The following UACA variants were observed in gnomAD, a reference collection of about 807,000 sequenced individuals.
The protein encoded by UACA is uveal autoantigen with coiled-coil domains and ankyrin repeats, also known as nuclear membrane binding protein.
In UACA, 112 loss-of-function variants were observed where a neutral mutation model predicts 160.5. The observed-to-expected ratio is 0.70, with a 90% CI of 0.60 to 0.82. The LOEUF is 0.82. UACA is among the 40% of genes least tolerant of loss of function. UACA has a pLI of 0.00. For synonymous variants in UACA, 557 were observed against 568.4 expected (o/e 0.98, Z 0.29); for missense variants, 1,574 against 1,614.6 (o/e 0.97, Z 0.43).
chr15:70,744,432 G>A (rs758877313), intron 1 of UACA, among the ~76,000 whole-genome samples: 4 of 151,944 alleles, frequency 2.6e-5, no homozygotes, highest in African/African-American at 4.8e-5. Flanking sequence ...ACATATACCC[G>A]ATGCCTCATA....
At chr15:70,762,991 G>A (rs1301987529) in intron 1 of UACA, among the ~76,000 whole-genome samples, 2 of 152,174 alleles carry the variant, frequency 1.3e-5, no homozygotes, top group African/African-American at 2.4e-5. Flanking sequence ...AGCGACGAGG[G>A]GGGGTCAACG....
At chr15:70,773,740 A>T in the UACA span, among the ~76,000 whole-genome samples, 1 of 152,210 alleles carries the variant, frequency 6.6e-6, no homozygotes, top group South Asian at 2.1e-4. Context: ...ATGAAGAAAC[A>T]CCACTTTTGG....
chr15:70,688,204 A>G (rs1285194852), intron 5 of UACA, among the ~76,000 whole-genome samples: 2 of 152,166 alleles, frequency 1.3e-5, no homozygotes, highest in East Asian at 3.8e-4. Context: ...TCCATTTTTT[A>G]TAGAATAGTC....
upstream of UACA, among the ~76,000 whole-genome samples, chr15:70,766,633 A>C (rs1050890877): frequency 2.6e-5 from 4 of 152,180 alleles, 1 homozygote; most frequent in Non-Finnish European, 5.9e-5. Context: ...ATTAGATAAC[A>C]AATGTGTAAG....
At chr15:70,750,821 G>A (rs1336762064) in intron 1 of UACA, among the ~76,000 whole-genome samples, 1 of 152,174 alleles carries the variant, frequency 6.6e-6, no homozygotes, top group Non-Finnish European at 1.5e-5. Flanking sequence ...GACAGAGCAA[G>A]GTCCGGTCTC....
At chr15:70,702,432 T>C in intron 1 of UACA, 3 of 469,456 alleles carry the variant, frequency 6.4e-6, no homozygotes, top group Non-Finnish European at 8.4e-6. Context: ...TAAGAATATA[T>C]TGTAAATGCA....
chr15:70,698,563 T>C (rs1239857488), intron 2 of UACA, among the ~76,000 whole-genome samples: 1 of 152,216 alleles, frequency 6.6e-6, no homozygotes, highest in African/African-American at 2.4e-5. Context: ...ACTTAATTTA[T>C]AGTCCTGCTG....
chr15:70,777,561 A>G, the UACA span, among the ~76,000 whole-genome samples: 2 of 152,224 alleles, frequency 1.3e-5, no homozygotes, highest in Non-Finnish European at 2.9e-5. Context: ...ACCAAAGGGT[A>G]TGGAGCCCTG....
intron 1 of UACA, among the ~76,000 whole-genome samples, chr15:70,712,064 A>ATATCTATCTATC (rs1555414147): frequency 3.4e-5 from 5 of 145,464 alleles, no homozygotes; most frequent in African/African-American, 1.4e-4. Flanking sequence ...ATATATATAT[A>ATATCTATCTATC]TATCTCCATA....
rs4777306 is a variant in UACA, at chr15:70,763,521, T to A, written c.-114A>T. 9 of 1,245,186 alleles carry A rather than the reference T, an allele frequency of 7.2e-6. No individual in the cohort carries two copies. The highest frequency in any genetic ancestry group is 9.1e-6 in the Non-Finnish European group (9 of 989,870). The allele number at this position is 1,245,186 out of a possible 1,614,324, so 77.1% of individuals were successfully genotyped here. A position where few individuals can be genotyped will look rare whatever the true frequency, so the allele number is the denominator to read the frequency against. ...CGGCGCGGGCTGTACCAGCCCCACC[T>A]GCCTGCCACCTGCGGGCCCCGGGCA... On this transcript the variant is annotated 5_prime_UTR_variant, in exon 1 of 19. Transcript: ENST00000322954.
At chr15:70,665,679 A>G (rs1010789219) in intron 16 of UACA, among the ~76,000 whole-genome samples, 1 of 152,222 alleles carries the variant, frequency 6.6e-6, no homozygotes, top group Non-Finnish European at 1.5e-5. Context: ...AGTAGATATT[A>G]ATAATTAACT....
At chr15:70,724,967 T>C (rs1899101751) in intron 1 of UACA, among the ~76,000 whole-genome samples, 1 of 151,982 alleles carries the variant, frequency 6.6e-6, no homozygotes, top group Non-Finnish European at 1.5e-5. Flanking sequence ...GGCAAGCACC[T>C]TGTAGTCCTA....
intron 9 of UACA, among the ~76,000 whole-genome samples, chr15:70,680,596 ACTGTTCTT>A (rs1188017107): frequency 5.3e-5 from 8 of 152,176 alleles, no homozygotes; most frequent in Non-Finnish European, 1.5e-5. Flanking sequence ...CTACCAAAGG[ACTGTTCTT>A]CAAGTGGAAT....
Position 70,669,442 on chromosome 15 carries a change from T to C in UACA, c.1242A>G (p.Pro414=). 1 of 1,585,518 alleles carries C rather than the reference T, an allele frequency of 6.3e-7. No individual in the cohort carries two copies. Among genetic ancestry groups the C allele is most frequent in the Non-Finnish European group, 8.5e-7 (1 of 1,170,026 alleles). Residue 414 remains proline, a synonymous_variant, in exon 16 of 19, where the codon CCA becomes CCG. Coordinates refer to ENST00000322954, the MANE Select transcript of UACA (RefSeq NM_018003.4). The part of the protein sequence containing the change: ...ADSQCTSPGI[P]AHMQSRSMLR... Reference sequence around the variant, plus strand: ...ACATAGATCTGCTTTGCATATGGGCTGGTATACCTGGGGAAGTACACTGAA... The same window carrying C: ...ACATAGATCTGCTTTGCATATGGGCCGGTATACCTGGGGAAGTACACTGAA...
intron 1 of UACA, chr15:70,703,063 T>G: frequency 7.8e-7 from 1 of 1,276,792 alleles, no homozygotes; most frequent in South Asian, 1.3e-5. Context: ...ATTAAAAAAA[T>G]CTCCATTTGG....
At chr15:70,754,257 G>A in intron 1 of UACA, 1 of 419,930 alleles carries the variant, frequency 2.4e-6, no homozygotes, top group African/African-American at 2.0e-5. Flanking sequence ...GTTAGACTTA[G>A]GATTTTTTGA....
In UACA at chr15:70,719,136, C is replaced by G. The variant is rs191561932; in HGVS notation, c.79-19476G>C. Among the ~76,000 whole-genome samples, 1,209 of 151,422 alleles carry G rather than the reference C, an allele frequency of 8.0e-3. 11 individuals carry two copies. The highest frequency in any genetic ancestry group is 0.01 in the Non-Finnish European group (697 of 67,836). On this transcript the variant is annotated intron_variant, in intron 1 of 18. Transcript: ENST00000322954. ...GAAGGAGAAGGAGAAGAGAAGAGAA[C>G]AGAAGAGAAGAGAAGAGAAGAGGCT...
At chr15:70,723,644 T>C (rs1008041678) in intron 1 of UACA, among the ~76,000 whole-genome samples, 2 of 151,652 alleles carry the variant, frequency 1.3e-5, no homozygotes, top group Non-Finnish European at 2.9e-5. Context: ...CTTTTTTTTT[T>C]TTTTTTGAGA....
chr15:70,705,036 G>GT lies in UACA; in HGVS notation c.79-5377dup, dbSNP rs1408520244. On this transcript the variant is annotated intron_variant, in intron 1 of 18. Transcript: ENST00000322954. ...ACTCAGCAGTGTATGAGTGGTTGAA[G>GT]TATGTGACTGCTGGGATTGGCCAAG... 6.3e-4 allele frequency among the ~76,000 whole-genome samples: 96 copies of GT among 152,312 alleles called. 1 individual carries two copies. Among genetic ancestry groups the GT allele is most frequent in the African/African-American group, 2.3e-3 (96 of 41,580 alleles).
Sources: gnomAD v4.1 joint callset for allele counts (sites outside exome capture counted in the v4.1 genomes callset) on GRCh38, gnomAD v4.1.1 for gene constraint, MANE v1.5 for transcripts, NCBI Gene and HGNC (gene_info 2026-07-23, HGNC 2026-07-21) for gene names.